Variants in MAP2K5 observed in about 807,000 individuals in gnomAD.
MAP2K5 encodes the protein mitogen-activated protein kinase kinase 5.
In MAP2K5, 49 loss-of-function variants were observed where a neutral mutation model predicts 83.1. The ratio of observed to expected loss-of-function variants is 0.59; its 90% CI spans 0.47 to 0.75. MAP2K5 has a LOEUF of 0.75. Ranked by LOEUF, MAP2K5 falls within the 30% of genes least tolerant of loss-of-function variation. The pLI is 0.00. For synonymous variants in MAP2K5, 202 were observed against 191.8 expected (o/e 1.05, Z -0.44); for missense variants, 457 against 557.5 (o/e 0.82, Z 1.82).
chr15:67,678,902 T>G (rs2087744029), intron 13 of MAP2K5, among the ~76,000 whole-genome samples: 1 of 141,642 alleles, frequency 7.1e-6, no homozygotes, highest in Non-Finnish European at 1.5e-5. Flanking sequence ...AGTCGGAGGT[T>G]GCAGTGAGGT....
In MAP2K5 at chr15:67,749,485, A is replaced by C. The variant is rs185866791; in HGVS notation, c.1134+884A>C. Reference sequence around the variant, plus strand: ...TGATTCAGATAGGAAAGTTTGAAAGAAAAAAATTGTAATTCATAATTATTC... The same window carrying C: ...TGATTCAGATAGGAAAGTTTGAAAGCAAAAAATTGTAATTCATAATTATTC... On this transcript the variant is annotated intron_variant, in intron 19 of 21. Coordinates refer to ENST00000178640, the MANE Select transcript of MAP2K5 (RefSeq NM_145160.3). The surrounding 1 kb of genome is among the most constrained non-coding windows in gnomAD (Gnocchi z 4.6). Among the ~76,000 whole-genome samples, 40 of 152,284 alleles carry C rather than the reference A, an allele frequency of 2.6e-4. No individual in the cohort carries two copies. The highest frequency in any genetic ancestry group is 9.6e-4 in the African/African-American group (40 of 41,536).
intron 16 of MAP2K5, among the ~76,000 whole-genome samples, chr15:67,705,419 G>C (rs2088525922): frequency 2.0e-5 from 3 of 152,148 alleles, no homozygotes; most frequent in South Asian, 2.1e-4. Context: ...GTCAGGTGGG[G>C]ATAAGTCCCA....
At chr15:67,639,885 C>G (rs888421100) in intron 9 of MAP2K5, among the ~76,000 whole-genome samples, 12 of 152,204 alleles carry the variant, frequency 7.9e-5, no homozygotes, top group Admixed American at 7.2e-4. Flanking sequence ...TAACACCTTT[C>G]AAGGATCAGC....
intron 16 of MAP2K5, among the ~76,000 whole-genome samples, chr15:67,716,211 C>T (rs1202664226): frequency 6.6e-6 from 1 of 152,102 alleles, no homozygotes; most frequent in East Asian, 1.9e-4. Flanking sequence ...CATGGTGACG[C>T]ACACCAGTAG....
At chr15:67,557,306 C>T (rs2084648745) in intron 2 of MAP2K5, among the ~76,000 whole-genome samples, 1 of 152,208 alleles carries the variant, frequency 6.6e-6, no homozygotes, top group Non-Finnish European at 1.5e-5. Context: ...TGACTTGAAA[C>T]ATGCATTTTA....
rs915342385 is a variant in MAP2K5 at position 67,720,850 on chromosome 15, A to G, written c.1045-7066A>G. ...ATTTATCCTCCTGCTGCACTGGGATATAACCCTATATTAGGTGAAGATTGT... is the reference window on the plus strand; with the variant it reads ...ATTTATCCTCCTGCTGCACTGGGATGTAACCCTATATTAGGTGAAGATTGT... On this transcript the variant is annotated intron_variant, in intron 16 of 21. Coordinates refer to ENST00000178640, the MANE Select transcript of MAP2K5 (RefSeq NM_145160.3). This position sits in a 1 kb window ranked among gnomAD's most constrained non-coding sequence, Gnocchi z 5.7. Among the ~76,000 whole-genome samples the G allele has an allele frequency of 1.3e-5, 2 of 152,226 alleles. No homozygotes were observed. The highest frequency in any genetic ancestry group is 6.5e-5 in the Admixed American group (1 of 15,288).
At chr15:67,620,474 C>T (rs1209630598) in intron 8 of MAP2K5, among the ~76,000 whole-genome samples, 1 of 151,424 alleles carries the variant, frequency 6.6e-6, no homozygotes, top group Non-Finnish European at 1.5e-5. Context: ...ACATATAAGG[C>T]AATAGAGTAG....
intron 3 of MAP2K5, among the ~76,000 whole-genome samples, chr15:67,574,454 A>G (rs1417997243): frequency 6.6e-6 from 1 of 150,446 alleles, no homozygotes; most frequent in African/African-American, 2.5e-5. Context: ...CGCCTGTAGT[A>G]TCAGCTACTC....
At chr15:67,585,975 A>C in intron 5 of MAP2K5, 45 bp downstream of exon 5, 4 of 1,507,042 alleles carry the variant, frequency 2.7e-6, no homozygotes, top group Non-Finnish European at 3.7e-6. Context: ...ATGGATTTGT[A>C]ATGCTGTGTT....
intron 16 of MAP2K5, among the ~76,000 whole-genome samples, chr15:67,714,741 C>T (rs538576088): frequency 1.3e-5 from 2 of 152,306 alleles, no homozygotes; most frequent in East Asian, 3.9e-4. Flanking sequence ...ATTTGAAGTA[C>T]TCCCAAATTC....
chr15:67,630,508 T>C (rs1305333168), intron 8 of MAP2K5, among the ~76,000 whole-genome samples: 2 of 152,146 alleles, frequency 1.3e-5, no homozygotes, highest in South Asian at 2.1e-4. Flanking sequence ...CATAGAGCTA[T>C]AGAGAACCCA....
intron 17 of MAP2K5, among the ~76,000 whole-genome samples, chr15:67,739,235 G>A (rs188400224): frequency 2.0e-5 from 3 of 146,682 alleles, no homozygotes; most frequent in East Asian, 4.0e-4. Context: ...AGCCATGATC[G>A]TGCCACTGCA....
intron 6 of MAP2K5, among the ~76,000 whole-genome samples, chr15:67,591,332 G>A (rs1195210220): frequency 2.7e-5 from 4 of 150,522 alleles, no homozygotes; most frequent in Non-Finnish European, 4.4e-5. Flanking sequence ...GTGACAAAGC[G>A]AGACTCTGTC....
At position 67,576,037 on chromosome 15, in the gene MAP2K5, C is replaced by G. The variant is rs993468292; in HGVS notation, c.253-4717C>G. ...TGGGTTCAAGCAATTCTGTCTCAGCCTCCTGAGTAGCTGGGATTACAGGTG... is the reference window on the plus strand; with the variant it reads ...TGGGTTCAAGCAATTCTGTCTCAGCGTCCTGAGTAGCTGGGATTACAGGTG... On this transcript the variant is annotated intron_variant, in intron 3 of 21. Coordinates refer to ENST00000178640, the MANE Select transcript of MAP2K5 (RefSeq NM_145160.3). Among the ~76,000 whole-genome samples, 11 of 140,588 alleles carry G rather than the reference C, an allele frequency of 7.8e-5. 2 individuals are homozygous for G. Among genetic ancestry groups the G allele is most frequent in the Admixed American group, 1.4e-4 (2 of 14,132 alleles). The allele number at this position is 140,588 out of a possible 152,430, so 92.2% of individuals were successfully genotyped here. A position where few individuals can be genotyped will look rare whatever the true frequency, so the allele number is the denominator to read the frequency against.
At position 67,677,120 on chromosome 15, in the gene MAP2K5, G is replaced by A. The variant is rs1022826203; in HGVS notation, c.847+12475G>A. ...TGAGTATAAAGAACTTAAAACATCT[G>A]GGCTATTTTCTTTGTGAACTTCCCA... is the stretch of plus-strand genomic sequence containing the variant. On this transcript the variant is annotated intron_variant, in intron 13 of 21. Transcript: ENST00000178640. This position sits in a 1 kb window ranked among gnomAD's most constrained non-coding sequence, Gnocchi z 4.2. 6.6e-6 allele frequency among the ~76,000 whole-genome samples: 1 copy of A among 152,068 alleles called. No individual in the cohort carries two copies. The highest frequency in any genetic ancestry group is 1.5e-5 in the Non-Finnish European group (1 of 68,006).
rs1047930391 is a variant in MAP2K5 at position 67,778,793 on chromosome 15, G to A, written c.1242+6041G>A. Among the ~76,000 whole-genome samples the A allele has an allele frequency of 1.3e-5, 2 of 152,104 alleles. No individual in the cohort carries two copies. Among genetic ancestry groups the A allele is most frequent in the Non-Finnish European group, 2.9e-5 (2 of 68,016 alleles). ...GATAAGTTTCGGTTTACTTTGATCC[G>A]GGGCTTACCTGTGCCCTGAGCGCAA... On this transcript the variant is annotated intron_variant, in intron 21 of 21. Transcript: ENST00000178640. The surrounding 1 kb of genome is among the most constrained non-coding windows in gnomAD (Gnocchi z 5.0).
intron 2 of MAP2K5, among the ~76,000 whole-genome samples, chr15:67,558,748 A>G (rs1235261835): frequency 6.6e-6 from 1 of 152,190 alleles, no homozygotes; most frequent in Non-Finnish European, 1.5e-5. Context: ...CCTTTGTATT[A>G]GCTGCTGCCT....
In MAP2K5 at chr15:67,585,696, T is replaced by G. The variant is rs1408452973; in HGVS notation, c.323-194T>G. 9 of 546,474 alleles carry G rather than the reference T, an allele frequency of 1.6e-5. No individual in the cohort carries two copies. The Admixed American group carries it at 2.7e-4, about 17-fold the overall frequency. The allele number at this position is 546,474 out of a possible 1,614,324, so 33.9% of individuals were successfully genotyped here. A position where few individuals can be genotyped will look rare whatever the true frequency, so the allele number is the denominator to read the frequency against. ...TATGAGGTGGTGTCAGAAAGCTCTT[T>G]GCATTTATAAATGCTCACTCCTGCA... On this transcript the variant is annotated intron_variant, in intron 4 of 21. Transcript: ENST00000178640.
rs141463045 is a variant in MAP2K5 at position 67,701,501 on chromosome 15, A to T, written c.973-1836A>T. 9.9e-4 allele frequency among the ~76,000 whole-genome samples: 151 copies of T among 152,354 alleles called. 2 individuals are homozygous for T. The highest frequency in any genetic ancestry group is 2.6e-3 in the African/African-American group (110 of 41,596). ...TGAACAGCATTTTAATGAAGTACAG[A>T]AGCAGGAATTTATAATTCTGCTGTA... On this transcript the variant is annotated intron_variant, in intron 15 of 21. Coordinates refer to ENST00000178640, the MANE Select transcript of MAP2K5 (RefSeq NM_145160.3).
Sources: gnomAD v4.1 joint callset for allele counts (sites outside exome capture counted in the v4.1 genomes callset) on GRCh38, gnomAD v4.1.1 for gene constraint, Gnocchi (gnomAD v3.1) non-coding constraint, MANE v1.5 for transcripts, NCBI Gene and HGNC (gene_info 2026-07-23, HGNC 2026-07-21) for gene names.